The following NRXN1 variants were observed in gnomAD, a reference collection of about 807,000 sequenced individuals.
NRXN1 encodes the protein neurexin 1.
NRXN1 carries 39 observed loss-of-function variants against 150.9 expected under a neutral mutation model. That is an observed-to-expected ratio of 0.26 (90% CI 0.20 to 0.34). NRXN1 has a LOEUF of 0.34. Ranked by LOEUF, NRXN1 falls within the 10% of genes least tolerant of loss-of-function variation. NRXN1 has a pLI of 1.00. For synonymous variants in NRXN1, 924 were observed against 757.0 expected, an observed-to-expected ratio of 1.22 and a Z score of -3.62; for missense variants, 1,815 against 1,949.9, an observed-to-expected ratio of 0.93 and a Z score of 1.30.
intron 17 of NRXN1, among the ~76,000 whole-genome samples, chr2:50,306,748 T>C (rs2074647547): frequency 6.6e-6 from 1 of 152,252 alleles, no homozygotes; most frequent in Non-Finnish European, 1.5e-5. Context: ...TAACTTTTAA[T>C]ACTGACATTT....
At chr2:50,010,548 T>C (rs1685485438) in intron 21 of NRXN1, among the ~76,000 whole-genome samples, 1 of 152,104 alleles carries the variant, frequency 6.6e-6, no homozygotes, top group Non-Finnish European at 1.5e-5. Context: ...ACCAATGAGC[T>C]GATAATGTAA....
intron 5 of NRXN1, among the ~76,000 whole-genome samples, chr2:50,634,811 G>A (rs1682994535): frequency 6.6e-6 from 1 of 152,042 alleles, no homozygotes; most frequent in Non-Finnish European, 1.5e-5. Context: ...AAAGAGCAGT[G>A]GTTATTCATA....
At chr2:50,556,461 A>G (rs895219798) in intron 8 of NRXN1, among the ~76,000 whole-genome samples, 1 of 150,564 alleles carries the variant, frequency 6.6e-6, no homozygotes, top group Admixed American at 6.6e-5. Context: ...GTGCACACTC[A>G]TTTGGATCTG....
intron 8 of NRXN1, among the ~76,000 whole-genome samples, chr2:50,556,372 T>C (rs1668253648): frequency 6.6e-6 from 1 of 152,166 alleles, no homozygotes; most frequent in Admixed American, 6.5e-5. Context: ...TTAATTCTTA[T>C]GTCAAAAGTT....
chr2:50,693,006 T>A (rs1692288029), intron 5 of NRXN1, among the ~76,000 whole-genome samples: 1 of 152,170 alleles, frequency 6.6e-6, no homozygotes, highest in Non-Finnish European at 1.5e-5. Context: ...ACTGTGTCAA[T>A]GTTATTGATG....
intron 5 of NRXN1, among the ~76,000 whole-genome samples, chr2:50,881,466 T>C (rs1334734831): frequency 6.6e-6 from 1 of 151,978 alleles, no homozygotes; most frequent in East Asian, 1.9e-4. Flanking sequence ...ATTTCTACTT[T>C]TACTATGCAG....
chr2:50,405,261 G>A (rs2082678914), intron 17 of NRXN1, among the ~76,000 whole-genome samples: 1 of 152,098 alleles, frequency 6.6e-6, no homozygotes, highest in African/African-American at 2.4e-5. Flanking sequence ...GTTCAATGAA[G>A]TCGCAGGCTC....
At position 50,196,562 on chromosome 2, in the gene NRXN1, G is replaced by A. The variant is rs1054056705; in HGVS notation, c.3546+40227C>T. ...TACATTTAATATCAATGCAATCAGT[G>A]TAGAAGTGAGGCAATATGACACAGT... On this transcript the variant is annotated intron_variant, in intron 18 of 22. Coordinates refer to ENST00000401669, the MANE Select transcript of NRXN1 (RefSeq NM_001330078.2). 5.3e-5 allele frequency among the ~76,000 whole-genome samples: 8 copies of A among 152,214 alleles called. No homozygotes were observed. In the East Asian group the frequency reaches 1.5e-3, roughly 29 times the overall value.
At chr2:50,146,038 C>T (rs938120300) in intron 18 of NRXN1, among the ~76,000 whole-genome samples, 10 of 151,524 alleles carry the variant, frequency 6.6e-5, no homozygotes, top group African/African-American at 2.4e-4. Flanking sequence ...ATATGAGTGT[C>T]ATGGAGACAC....
At chr2:50,530,287 G>A (rs865792379) in intron 11 of NRXN1, among the ~76,000 whole-genome samples, 4 of 152,112 alleles carry the variant, frequency 2.6e-5, no homozygotes, top group South Asian at 2.1e-4. Flanking sequence ...AAAGCCAAGC[G>A]TGGGAAGAAA....
chr2:50,061,165 T>G lies in NRXN1; in HGVS notation c.3719-6121A>C, dbSNP rs562999339. On this transcript the variant is annotated intron_variant, in intron 19 of 22. Transcript: ENST00000401669. ...ATTTTATTTCTTTACAAATTCATGG[T>G]GATATTTACTTGTAAAATATCATTC... Among the ~76,000 whole-genome samples the G allele has an allele frequency of 8.0e-4, 122 of 152,352 alleles. 1 individual carries two copies. The highest frequency in any genetic ancestry group is 2.9e-3 in the African/African-American group (120 of 41,588).
At chr2:50,501,641 A>AT (rs1171380031) in intron 13 of NRXN1, among the ~76,000 whole-genome samples, 6 of 130,216 alleles carry the variant, frequency 4.6e-5, no homozygotes, top group African/African-American at 1.6e-4. Context: ...ACACACACAG[A>AT]TTAAAAAAAA....
chr2:50,115,855 T>A (rs1383368901), intron 18 of NRXN1, among the ~76,000 whole-genome samples: 1 of 152,258 alleles, frequency 6.6e-6, no homozygotes, highest in Non-Finnish European at 1.5e-5. Flanking sequence ...TGTACATATG[T>A]ATGTTTATAT....
intron 21 of NRXN1, among the ~76,000 whole-genome samples, chr2:49,963,205 C>T (rs1374577886): frequency 1.3e-5 from 2 of 152,108 alleles, no homozygotes; most frequent in Non-Finnish European, 2.9e-5. Context: ...CTTTTAACGT[C>T]ACAGAATTCG....
At chr2:50,024,689 G>A (rs1339508078) in intron 21 of NRXN1, among the ~76,000 whole-genome samples, 1 of 151,766 alleles carries the variant, frequency 6.6e-6, no homozygotes, top group Non-Finnish European at 1.5e-5. Context: ...ATCTCGGCTC[G>A]CTGCAACCTT....
intron 17 of NRXN1, among the ~76,000 whole-genome samples, chr2:50,318,989 T>C (rs1175165416): frequency 6.6e-6 from 1 of 152,090 alleles, no homozygotes; most frequent in Non-Finnish European, 1.5e-5. Context: ...ATATTGTTAA[T>C]TGCAGTTTAA....
At chr2:50,992,478 T>A (rs748328161) in intron 2 of NRXN1, among the ~76,000 whole-genome samples, 34 of 151,726 alleles carry the variant, frequency 2.2e-4, no homozygotes, top group Non-Finnish European at 4.1e-4. Flanking sequence ...AGCTGGTAGA[T>A]CAGTGAATTT....
intron 18 of NRXN1, among the ~76,000 whole-genome samples, chr2:50,228,813 A>C (rs915659459): frequency 3.3e-5 from 5 of 151,828 alleles, no homozygotes; most frequent in African/African-American, 1.2e-4. Flanking sequence ...TTTACTTAGA[A>C]GCCTAGTTGC....
rs540776386 is a variant in NRXN1 at position 50,154,230 on chromosome 2, T to TA, written c.3547-62737dup. On this transcript the variant is annotated intron_variant, in intron 18 of 22. Transcript: ENST00000401669. ...TAGTTTCTTCAGATAAAGATCTGAA[T>TA]AAAAAAAAGACTACGCATTGAGTAC... is the stretch of plus-strand genomic sequence containing the variant. Among the ~76,000 whole-genome samples the TA allele has an allele frequency of 5.6e-4, 85 of 151,396 alleles. No homozygotes were observed. In the East Asian group the frequency reaches 0.012, roughly 21 times the overall value.
Sources: gnomAD v4.1 joint callset for allele counts (sites outside exome capture counted in the v4.1 genomes callset) on GRCh38, gnomAD v4.1.1 for gene constraint, MANE v1.5 for transcripts, NCBI Gene and HGNC (gene_info 2026-07-23, HGNC 2026-07-21) for gene names.